Variants in MTHFD2L observed in about 807,000 individuals in gnomAD.
The protein encoded by MTHFD2L is bifunctional methylenetetrahydrofolate dehydrogenase/cyclohydrolase 2, mitochondrial.
MTHFD2L carries 29 observed loss-of-function variants against 34.9 expected under a neutral mutation model. The observed-to-expected ratio is 0.83, with a 90% CI of 0.62 to 1.13. MTHFD2L has a LOEUF of 1.13. Among genes scored for constraint, MTHFD2L ranks in the 50% most tolerant of loss-of-function variants. MTHFD2L has a pLI of 0.00. For missense variants in MTHFD2L, 481 were observed against 446.5 expected (o/e 1.08, Z -0.70); for synonymous variants, 167 against 155.7 (o/e 1.07, Z -0.54).
chr4:74,291,003 C>CTTTTTTTTTTTTTT lies in MTHFD2L; in HGVS notation c.931+9472_931+9485dup, dbSNP rs10585551. Among the ~76,000 whole-genome samples, 81 of 29,278 alleles carry CTTTTTTTTTTTTTT rather than the reference C, an allele frequency of 2.8e-3. 21 individuals are homozygous for CTTTTTTTTTTTTTT. The highest frequency in any genetic ancestry group is 0.011 in the Admixed American group (16 of 1,432). 19.2% of individuals were successfully genotyped at this position (29,278 alleles called of 152,430 possible). A position where few individuals can be genotyped will look rare whatever the true frequency, so the allele number is the denominator to read the frequency against. On this transcript the variant is annotated intron_variant, in intron 7 of 7. Transcript: ENST00000325278. Reference sequence around the variant, plus strand: ...CTGTCTTACATTTATTTTTCCTTTTCTTTTTTTTTTTTTTTTTTTTTTTTT... The same window carrying CTTTTTTTTTTTTTT: ...CTGTCTTACATTTATTTTTCCTTTTCTTTTTTTTTTTTTTTTTTTTTTTTTTTTTTTTTTTTTTT...
At chr4:74,230,415 C>T (rs1035202385) in intron 6 of MTHFD2L, among the ~76,000 whole-genome samples, 2 of 151,522 alleles carry the variant, frequency 1.3e-5, no homozygotes, top group African/African-American at 2.4e-5. Flanking sequence ...CATGGTGAAA[C>T]CCTGTCTCTA....
At chr4:74,119,713 G>T (rs1215909895), upstream of MTHFD2L, among the ~76,000 whole-genome samples, 1 of 152,024 alleles carries the variant, frequency 6.6e-6, no homozygotes, top group Non-Finnish European at 1.5e-5. Flanking sequence ...AACCTGAGAG[G>T]CAGAGCTTCC....
chr4:74,165,648 G>A (rs974734937), intron 1 of MTHFD2L, among the ~76,000 whole-genome samples: 1 of 152,156 alleles, frequency 6.6e-6, no homozygotes, highest in African/African-American at 2.4e-5. Flanking sequence ...GAGCCACTAG[G>A]CCCGGCCCTT....
At chr4:74,244,115 A>T (rs1287107200) in intron 6 of MTHFD2L, among the ~76,000 whole-genome samples, 2 of 152,194 alleles carry the variant, frequency 1.3e-5, no homozygotes, top group Non-Finnish European at 2.9e-5. Context: ...TCATGACCAC[A>T]ATCTTTCCAG....
chr4:74,291,158 C>T (rs1212629276), intron 7 of MTHFD2L, among the ~76,000 whole-genome samples: 2 of 151,150 alleles, frequency 1.3e-5, no homozygotes, highest in African/African-American at 4.9e-5. Context: ...GCTGGGACTA[C>T]AGACGCACGT....
At chr4:74,155,991 T>C (rs892599873), upstream of MTHFD2L, among the ~76,000 whole-genome samples, 1 of 151,804 alleles carries the variant, frequency 6.6e-6, no homozygotes, top group Non-Finnish European at 1.5e-5. Flanking sequence ...AAACAAAATT[T>C]AATATCTTAT....
chr4:74,271,721 C>T (rs1746015621), intron 6 of MTHFD2L, among the ~76,000 whole-genome samples: 1 of 152,068 alleles, frequency 6.6e-6, no homozygotes, highest in Non-Finnish European at 1.5e-5. Context: ...TCATTGGTAG[C>T]TTGATGGGGA....
At chr4:74,176,078 G>C (rs1171352215) in intron 3 of MTHFD2L, among the ~76,000 whole-genome samples, 1 of 151,966 alleles carries the variant, frequency 6.6e-6, no homozygotes, top group Non-Finnish European at 1.5e-5. Flanking sequence ...ACATTTAAAG[G>C]AATTTCAGTA....
intron 1 of MTHFD2L, among the ~76,000 whole-genome samples, chr4:74,166,515 T>A (rs537439740): frequency 3.3e-5 from 5 of 152,372 alleles, no homozygotes; most frequent in Admixed American, 6.5e-5. Flanking sequence ...AGCTTTGGTT[T>A]CACTGATTAC....
chr4:74,136,084 A>G (rs1722908522), intron 1 of MTHFD2L, among the ~76,000 whole-genome samples: 1 of 152,076 alleles, frequency 6.6e-6, no homozygotes. Context: ...AAGAATGCCC[A>G]CTTTCACTAT....
chr4:74,248,423 A>C (rs1317782414), intron 6 of MTHFD2L, among the ~76,000 whole-genome samples: 1 of 152,008 alleles, frequency 6.6e-6, no homozygotes, highest in East Asian at 1.9e-4. Flanking sequence ...GATCCTTTCA[A>C]AAAACCAGCT....
At chr4:74,129,901 G>T (rs981913794) in intron 1 of MTHFD2L, among the ~76,000 whole-genome samples, 9 of 151,980 alleles carry the variant, frequency 5.9e-5, no homozygotes, top group African/African-American at 2.2e-4. Context: ...TGACCAAGGG[G>T]ATATCACCAC....
chr4:74,248,932 T>C (rs1354353337), intron 6 of MTHFD2L, among the ~76,000 whole-genome samples: 6 of 149,252 alleles, frequency 4.0e-5, no homozygotes, highest in African/African-American at 7.3e-5. Flanking sequence ...AGGTGTGGTG[T>C]GGTGCTGAAA....
chr4:74,275,644 G>A (rs142583004), intron 6 of MTHFD2L, among the ~76,000 whole-genome samples: 68 of 151,898 alleles, frequency 4.5e-4, no homozygotes, highest in African/African-American at 1.6e-3. Flanking sequence ...TTTCTGCCTG[G>A]TGTGAGATGG....
chr4:74,182,703 T>G (rs1012735195), intron 3 of MTHFD2L: 1 of 152,160 alleles, frequency 6.6e-6, no homozygotes, highest in Non-Finnish European at 1.5e-5. Context: ...CCTCTTATAT[T>G]TTGGGGCTTC....
upstream of MTHFD2L, among the ~76,000 whole-genome samples, chr4:74,123,891 C>T (rs1052086370): frequency 1.3e-5 from 2 of 152,212 alleles, no homozygotes; most frequent in South Asian, 4.1e-4. Flanking sequence ...CCCTAATTTG[C>T]ATTAAATTTG....
At chr4:74,142,517 A>G (rs1246511529) in intron 1 of MTHFD2L, among the ~76,000 whole-genome samples, 1 of 152,230 alleles carries the variant, frequency 6.6e-6, no homozygotes, top group Non-Finnish European at 1.5e-5. Context: ...ACCTGACTTC[A>G]GATTTTCAGC....
At chr4:74,296,355 G>A (rs757469120) in intron 7 of MTHFD2L, among the ~76,000 whole-genome samples, 14 of 152,122 alleles carry the variant, frequency 9.2e-5, no homozygotes, top group Non-Finnish European at 1.6e-4. Context: ...GAGCCAAGAG[G>A]CTACTGTAGT....
Position 74,236,699 on chromosome 4 carries a change from C to T in MTHFD2L, c.805+11305C>T, listed in dbSNP as rs527780238. ...TTCACATATCTAATAGAGAGTGGTG[C>T]GTAACGCACATATATTTTTCCTAGT... On this transcript the variant is annotated intron_variant, in intron 6 of 7. Coordinates refer to ENST00000325278, the MANE Select transcript of MTHFD2L (RefSeq NM_001144978.3). Among the ~76,000 whole-genome samples, 10 of 152,316 alleles carry T rather than the reference C, an allele frequency of 6.6e-5. 1 individual carries two copies. The highest frequency in any genetic ancestry group is 4.6e-4 in the Admixed American group (7 of 15,300).
Sources: gnomAD v4.1 joint callset for allele counts (sites outside exome capture counted in the v4.1 genomes callset) on GRCh38, gnomAD v4.1.1 for gene constraint, MANE v1.5 for transcripts, NCBI Gene and HGNC (gene_info 2026-07-23, HGNC 2026-07-21) for gene names.